Variants in TANC1 observed in about 807,000 individuals in gnomAD.
TANC1 encodes the protein tetratricopeptide repeat, ankyrin repeat and coiled-coil containing 1, also known as protein TANC1.
TANC1 carries 77 observed loss-of-function variants against 149.7 expected under a neutral mutation model. The observed-to-expected ratio is 0.51, with a 90% CI of 0.43 to 0.62. The LOEUF (loss-of-function observed/expected upper bound fraction) is 0.62, where lower values mean the gene tolerates loss of function less well. Ranked by LOEUF, TANC1 falls within the 20% of genes least tolerant of loss-of-function variation. TANC1 has a pLI of 0.00. For missense variants in TANC1, 1,985 were observed against 2,321.8 expected (o/e 0.85, Z 2.98); for synonymous variants, 854 against 925.0 (o/e 0.92, Z 1.39).
At chr2:159,092,705 G>A (rs1027521343) in intron 3 of TANC1, among the ~76,000 whole-genome samples, 1 of 152,170 alleles carries the variant, frequency 6.6e-6, no homozygotes, top group African/African-American at 2.4e-5. Context: ...TAAGGGAATT[G>A]ATGATTTTAA....
chr2:159,018,902 G>T (rs1401955619), intron 2 of TANC1, among the ~76,000 whole-genome samples: 1 of 152,236 alleles, frequency 6.6e-6, no homozygotes, highest in Non-Finnish European at 1.5e-5. Context: ...CTCAAGGACA[G>T]AAATTTGAAA....
intron 1 of TANC1, among the ~76,000 whole-genome samples, chr2:158,983,195 G>A (rs1269965683): frequency 1.3e-5 from 2 of 152,108 alleles, no homozygotes; most frequent in Admixed American, 6.6e-5. Context: ...AGCCAGGCAC[G>A]GTGGCTCACG....
At chr2:158,982,808 A>T (rs2034527915) in intron 1 of TANC1, among the ~76,000 whole-genome samples, 1 of 151,886 alleles carries the variant, frequency 6.6e-6, no homozygotes, top group African/African-American at 2.4e-5. Flanking sequence ...TTTTTTCTGT[A>T]GAGATAGGAT....
At chr2:158,996,981 C>CAA (rs1166208435) in intron 1 of TANC1, among the ~76,000 whole-genome samples, 78 of 118,456 alleles carry the variant, frequency 6.6e-4, no homozygotes, top group African/African-American at 1.7e-3. Context: ...CAGACTGTGG[C>CAA]AAAAAAAAAA....
intron 5 of TANC1, among the ~76,000 whole-genome samples, chr2:159,136,680 A>C (rs2050780702): frequency 6.6e-6 from 1 of 151,838 alleles, no homozygotes; most frequent in African/African-American, 2.4e-5. Context: ...TGAAACCTTA[A>C]CTGGACAAAG....
At chr2:159,204,287 G>A (rs957363339) in intron 19 of TANC1, among the ~76,000 whole-genome samples, 10 of 152,160 alleles carry the variant, frequency 6.6e-5, no homozygotes, top group Non-Finnish European at 1.5e-4. Context: ...GCAGTAAGGG[G>A]CCTGGTCACT....
chr2:159,079,415 T>G (rs2044040139), intron 3 of TANC1, among the ~76,000 whole-genome samples: 1 of 144,548 alleles, frequency 6.9e-6, no homozygotes, highest in Non-Finnish European at 1.5e-5. Context: ...TATAAACAGT[T>G]ACATCATCAA....
intron 15 of TANC1, among the ~76,000 whole-genome samples, chr2:159,186,194 C>T (rs963166391): frequency 7.9e-5 from 12 of 152,190 alleles, no homozygotes; most frequent in Non-Finnish European, 1.8e-4. Context: ...AAAGGTTCCA[C>T]TTTGTTCATT....
chr2:159,062,446 A>G (rs571584141), intron 2 of TANC1, among the ~76,000 whole-genome samples: 1 of 152,316 alleles, frequency 6.6e-6, no homozygotes, highest in South Asian at 2.1e-4. Flanking sequence ...CAAGTGCATG[A>G]CAGCTCAGTG....
At chr2:159,017,695 A>G (rs200868059) in intron 2 of TANC1, among the ~76,000 whole-genome samples, 1 of 138,878 alleles carries the variant, frequency 7.2e-6, no homozygotes, top group East Asian at 2.4e-4. Context: ...ACAACAACAA[A>G]ATATATATAT....
chr2:159,230,366 G>A lies in TANC1; in HGVS notation c.4940G>A (p.Gly1647Glu). The A allele has an allele frequency of 1.2e-6, 2 of 1,614,086 alleles. No homozygotes were observed. The highest frequency in any genetic ancestry group is 1.1e-5 in the South Asian group (1 of 91,062). The change falls in exon 27 of 27, where the codon GGG becomes GAG. Residue 1647 changes from glycine (G) to glutamate (E), a missense_variant. This residue lies in a region of TANC1 where 920 missense variants were observed against 994.7 expected (regional missense o/e 0.92). Transcript: ENST00000263635. The surrounding 1 kb of genome is among the most constrained non-coding windows in gnomAD (Gnocchi z 4.4). ...GACGCAGCCCCTCCAAACCAAGGTG[G>A]GCTGGCGACCTGCAGCGACGTGCGA... is the stretch of plus-strand genomic sequence containing the variant. The part of the protein sequence containing the change: ...AVDAAPPNQG[G>E]LATCSDVRHP...
In TANC1 at chr2:159,102,712, C is replaced by CTTTTTTT. The variant is rs755803794; in HGVS notation, c.259+4896_259+4902dup. On this transcript the variant is annotated intron_variant, in intron 4 of 26. Coordinates refer to ENST00000263635, the MANE Select transcript of TANC1 (RefSeq NM_033394.3). ...AACATTTCTGATTGTTGGATATTTGCTTTTTTTTTTTTTTTTTTTTTTTTG... is the reference window on the plus strand; with the variant it reads ...AACATTTCTGATTGTTGGATATTTGCTTTTTTTTTTTTTTTTTTTTTTTTTTTTTTTG... 8.5e-4 allele frequency among the ~76,000 whole-genome samples: 23 copies of CTTTTTTT among 27,116 alleles called. 3 individuals are homozygous for CTTTTTTT. Among genetic ancestry groups the CTTTTTTT allele is most frequent in the African/African-American group, 1.6e-3 (12 of 7,710 alleles). The allele number at this position is 27,116 out of a possible 152,430, so 17.8% of individuals were successfully genotyped here. A position where few individuals can be genotyped will look rare whatever the true frequency, so the allele number is the denominator to read the frequency against.
intron 10 of TANC1, 100 bp from the exon 11 acceptor site, chr2:159,172,021 T>G: frequency 8.1e-7 from 1 of 1,235,694 alleles, no homozygotes; most frequent in Non-Finnish European, 1.1e-6. Context: ...GTTCACTCCT[T>G]GCTTATTAAA....
At chr2:159,225,388 C>T (rs1415374272) in intron 23 of TANC1, 1 of 468,922 alleles carries the variant, frequency 2.1e-6, no homozygotes, top group African/African-American at 2.0e-5. Flanking sequence ...TATGCTAAGG[C>T]CTCATTTAAT....
At chr2:158,999,773 G>A (rs959824336) in intron 1 of TANC1, among the ~76,000 whole-genome samples, 1 of 152,198 alleles carries the variant, frequency 6.6e-6, no homozygotes, top group Admixed American at 6.5e-5. Context: ...CAGAAAGTAG[G>A]TCCACTGTAC....
At chr2:159,030,382 C>T (rs1356520624) in intron 2 of TANC1, among the ~76,000 whole-genome samples, 5 of 152,160 alleles carry the variant, frequency 3.3e-5, no homozygotes, top group African/African-American at 1.2e-4. Context: ...CTTTAACCAG[C>T]TAGGGTTTTT....
At chr2:159,163,103 C>T (rs796987939) in intron 7 of TANC1, among the ~76,000 whole-genome samples, 180 bp from the exon 8 acceptor site, 1 of 152,168 alleles carries the variant, frequency 6.6e-6, no homozygotes, top group Non-Finnish European at 1.5e-5. Flanking sequence ...CAGCTTATTT[C>T]CCCTGGTAAG....
intron 4 of TANC1, among the ~76,000 whole-genome samples, chr2:159,115,872 C>T (rs538916315): frequency 3.9e-5 from 6 of 152,216 alleles, no homozygotes; most frequent in South Asian, 4.2e-4. Context: ...TTTCAGCCCT[C>T]GTTGGTCCTG....
At chr2:159,104,981 CTTTTTTTTTTTTT>C (rs146778655) in intron 4 of TANC1, among the ~76,000 whole-genome samples, 15 of 43,382 alleles carry the variant, frequency 3.5e-4, no homozygotes, top group African/African-American at 6.4e-4. Flanking sequence ...TGGATATTTG[CTTTTTTTTTTTTT>C]TTTTTTTTTT....
Sources: allele counts gnomAD v4.1 joint callset (sites outside exome capture counted in the v4.1 genomes callset), GRCh38; gene constraint gnomAD v4.1.1; regional missense constraint gnomAD v4.1.1; non-coding constraint Gnocchi (gnomAD v3.1); transcripts MANE v1.5; gene names NCBI Gene and HGNC (gene_info 2026-07-23, HGNC 2026-07-21).